The following IGSF11 variants were observed in gnomAD, a reference collection of about 807,000 sequenced individuals.
IGSF11 encodes CXADR like 1.
IGSF11 carries 22 observed loss-of-function variants against 41.0 expected under a neutral mutation model. The observed-to-expected ratio is 0.54, with a 90% CI of 0.38 to 0.77. IGSF11 has a LOEUF of 0.77. IGSF11 is among the 30% of genes least tolerant of loss of function. The probability of loss-of-function intolerance (pLI) is 0.00; values close to 1 mark genes in which losing one functional copy is unlikely to be tolerated. For missense variants in IGSF11, 444 were observed against 530.8 expected (o/e 0.84, Z 1.61); for synonymous variants, 219 against 201.3 (o/e 1.09, Z -0.74).
At chr3:119,027,808 G>A (rs1939965953) in intron 1 of IGSF11, among the ~76,000 whole-genome samples, 2 of 152,138 alleles carry the variant, frequency 1.3e-5, no homozygotes, top group South Asian at 4.1e-4. Context: ...ATACTGTCAA[G>A]TCTTGATCAA....
chr3:118,968,614 A>T (rs1932988360), intron 1 of IGSF11, among the ~76,000 whole-genome samples: 1 of 152,220 alleles, frequency 6.6e-6, no homozygotes, highest in Non-Finnish European at 1.5e-5. Context: ...GCAATTAAAA[A>T]ATATTACACA....
At chr3:119,025,340 G>A (rs1939715855) in intron 1 of IGSF11, among the ~76,000 whole-genome samples, 2 of 152,212 alleles carry the variant, frequency 1.3e-5, no homozygotes, top group Admixed American at 1.3e-4. Flanking sequence ...CAGGCCTGGA[G>A]AATTACATGA....
chr3:119,017,452 G>A (rs559476888), intron 1 of IGSF11, among the ~76,000 whole-genome samples: 2 of 152,214 alleles, frequency 1.3e-5, no homozygotes, highest in African/African-American at 4.8e-5. Flanking sequence ...TAATCTTATA[G>A]GACCACAGTC....
chr3:119,052,163 G>A lies in IGSF11; in HGVS notation c.49+52981C>T, dbSNP rs991264561. Among the ~76,000 whole-genome samples the A allele has an allele frequency of 5.9e-5, 9 of 152,076 alleles. 1 individual carries two copies. Among genetic ancestry groups the A allele is most frequent in the East Asian group, 3.9e-4 (2 of 5,180 alleles). ...CTAAATGAAATTGAAACAAAAAAAT[G>A]TACAAAAGATAAATGAAACAAAAAG... On this transcript the variant is annotated intron_variant, in intron 1 of 6. Transcript: ENST00000354673.
chr3:119,074,426 T>C (rs1291111703), intron 1 of IGSF11, among the ~76,000 whole-genome samples: 2 of 151,822 alleles, frequency 1.3e-5, no homozygotes, highest in African/African-American at 2.4e-5. Flanking sequence ...GGGTAAACAA[T>C]AAAATTAATG....
At chr3:118,952,172 G>T (rs530108732) in intron 1 of IGSF11, among the ~76,000 whole-genome samples, 2 of 152,102 alleles carry the variant, frequency 1.3e-5, no homozygotes, top group East Asian at 3.8e-4. Flanking sequence ...AAATGCTAAC[G>T]ATCATCTGAG....
chr3:118,965,785 G>A (rs1352189905), intron 1 of IGSF11, among the ~76,000 whole-genome samples: 3 of 152,000 alleles, frequency 2.0e-5, no homozygotes, highest in Non-Finnish European at 4.4e-5. Context: ...TAAAATCCCT[G>A]CAAAATGTAT....
intron 1 of IGSF11, among the ~76,000 whole-genome samples, chr3:118,951,838 G>T (rs752678227): frequency 1.3e-5 from 2 of 151,878 alleles, no homozygotes; most frequent in Non-Finnish European, 2.9e-5. Context: ...ATATAGTATT[G>T]TTTCTATTTG....
intron 1 of IGSF11, among the ~76,000 whole-genome samples, chr3:119,050,638 A>G (rs1365397170): frequency 6.6e-6 from 1 of 152,108 alleles, no homozygotes; most frequent in Non-Finnish European, 1.5e-5. Context: ...CAGCCATCCC[A>G]TTACTGGGTA....
At chr3:118,909,521 AT>A (rs1471300090) in intron 4 of IGSF11, among the ~76,000 whole-genome samples, 21 of 152,222 alleles carry the variant, frequency 1.4e-4, no homozygotes, top group African/African-American at 5.1e-4. Context: ...TTAAAGATAA[AT>A]TTAAAATATA....
intron 1 of IGSF11, among the ~76,000 whole-genome samples, chr3:118,934,613 C>T (rs1287474983): frequency 6.6e-6 from 1 of 152,294 alleles, no homozygotes; most frequent in Non-Finnish European, 1.5e-5. Context: ...CTAGACTTCA[C>T]CATGTGGCTA....
intron 1 of IGSF11, among the ~76,000 whole-genome samples, chr3:118,974,651 G>T (rs1302533438): frequency 2.6e-5 from 4 of 152,120 alleles, no homozygotes. Context: ...CTTCCCAAAA[G>T]ACAGTTTTGT....
At chr3:119,023,299 G>A (rs530364418) in intron 1 of IGSF11, among the ~76,000 whole-genome samples, 172 of 144,682 alleles carry the variant, frequency 1.2e-3, no homozygotes, top group African/African-American at 4.4e-3. Context: ...AAAAAATGTG[G>A]TGAGGAAAGA....
intron 1 of IGSF11, among the ~76,000 whole-genome samples, chr3:119,070,543 G>A (rs2076382153): frequency 1.3e-5 from 2 of 152,140 alleles, no homozygotes; most frequent in Non-Finnish European, 2.9e-5. Flanking sequence ...GACAGCTAAG[G>A]ATCACATCTT....
chr3:118,920,199 A>C (rs1941623230), intron 4 of IGSF11, among the ~76,000 whole-genome samples: 1 of 151,004 alleles, frequency 6.6e-6, no homozygotes, highest in Non-Finnish European at 1.5e-5. Context: ...AGCATGGCAC[A>C]TGTATACATA....
In IGSF11 at chr3:118,997,755, A is replaced by C. The variant is rs188330557; in HGVS notation, c.52+36776T>G. Among the ~76,000 whole-genome samples the C allele has an allele frequency of 4.3e-3, 658 of 152,216 alleles. 4 individuals are homozygous for C. Among genetic ancestry groups the C allele is most frequent in the Non-Finnish European group, 8.0e-3 (544 of 68,010 alleles). On this transcript the variant is annotated intron_variant, in intron 1 of 6. Coordinates refer to ENST00000393775, the MANE Select transcript of IGSF11 (RefSeq NM_001015887.3). ...AAAGTTACCTTCATTCCTCTCTTCT[A>C]CTGACCCTAGATAGCTGTCTTAGGA... is the stretch of plus-strand genomic sequence containing the variant.
intron 4 of IGSF11, among the ~76,000 whole-genome samples, chr3:118,913,351 T>A (rs1050728289): frequency 3.3e-5 from 5 of 152,016 alleles, no homozygotes; most frequent in African/African-American, 1.2e-4. Flanking sequence ...GCAGGATTAA[T>A]AAAAATTAAC....
At chr3:118,910,491 T>A (rs964090964) in intron 4 of IGSF11, among the ~76,000 whole-genome samples, 3 of 152,218 alleles carry the variant, frequency 2.0e-5, no homozygotes, top group Non-Finnish European at 4.4e-5. Flanking sequence ...TTCAGGTCCT[T>A]GTCATTTCTT....
intron 1 of IGSF11, among the ~76,000 whole-genome samples, chr3:119,142,616 G>C (rs1189537359): frequency 6.6e-6 from 1 of 152,044 alleles, no homozygotes; most frequent in African/African-American, 2.4e-5. Context: ...ACACCCTTAA[G>C]TGTACCACTT....
Sources: gnomAD v4.1 joint callset for allele counts (sites outside exome capture counted in the v4.1 genomes callset) on GRCh38, gnomAD v4.1.1 for gene constraint, MANE v1.5 for transcripts, NCBI Gene and HGNC (gene_info 2026-07-23, HGNC 2026-07-21) for gene names.